The following ZFHX3 variants were observed in gnomAD, a reference collection of about 807,000 sequenced individuals.
ZFHX3 encodes the protein zinc finger homeobox protein 3.
ZFHX3 carries 42 observed loss-of-function variants against 279.1 expected under a neutral mutation model. The observed-to-expected ratio is 0.15, with a 90% CI of 0.12 to 0.19. The LOEUF is 0.19. ZFHX3 is among the 10% of genes least tolerant of loss of function. ZFHX3 has a pLI of 1.00. For synonymous variants in ZFHX3, 2,293 were observed against 1,957.8 expected (o/e 1.17, Z -4.52); for missense variants, 4,981 against 4,754.0 (o/e 1.05, Z -1.40).
At chr16:73,162,446 T>G (rs1382607041) in intron 5 of ZFHX3, among the ~76,000 whole-genome samples, 1 of 152,238 alleles carries the variant, frequency 6.6e-6, no homozygotes, top group African/African-American at 2.4e-5. Context: ...TGGTGAGTTG[T>G]AGAATTATTT....
chr16:73,604,742 G>GAA (rs35492989), intron 2 of ZFHX3, among the ~76,000 whole-genome samples: 33 of 138,602 alleles, frequency 2.4e-4, no homozygotes, highest in Non-Finnish European at 2.8e-4. Context: ...GAGACTCCGT[G>GAA]AAAAAAAAAA....
chr16:73,641,261 A>G (rs1432835223), intron 2 of ZFHX3, among the ~76,000 whole-genome samples: 1 of 152,196 alleles, frequency 6.6e-6, no homozygotes, highest in Non-Finnish European at 1.5e-5. Flanking sequence ...AAAGCAATAA[A>G]AAAAACTTCA....
chr16:73,505,287 G>A (rs916940865), intron 2 of ZFHX3, among the ~76,000 whole-genome samples: 6 of 152,140 alleles, frequency 3.9e-5, no homozygotes, highest in African/African-American at 1.2e-4. Context: ...CCTGATAGTG[G>A]AGATAAACAA....
chr16:72,784,937 C>G lies in ZFHX3; in HGVS notation c.*2227G>C, dbSNP rs898778119. On this transcript the variant is annotated 3_prime_UTR_variant, in exon 10 of 10. Coordinates refer to ENST00000268489, the MANE Select transcript of ZFHX3 (RefSeq NM_006885.4). ...TAAAAAAGAAAAAAAGAAAAAAAAT[C>G]CATTTTCAGATCTTGGAATGCTCCA... 6.6e-6 allele frequency: 1 copy of G among 152,386 alleles called. No homozygotes were observed. The highest frequency in any genetic ancestry group is 1.5e-5 in the Non-Finnish European group (1 of 68,006). The allele number at this position is 152,386 out of a possible 1,614,324, so 9.4% of individuals were successfully genotyped here.
intron 3 of ZFHX3, among the ~76,000 whole-genome samples, chr16:73,350,109 G>A (rs571253192): frequency 6.6e-6 from 1 of 152,006 alleles, no homozygotes; most frequent in Non-Finnish European, 1.5e-5. Context: ...AAAACAGTTT[G>A]AGGGAGGATG....
At chr16:73,771,138 G>C (rs1018489088) in intron 1 of ZFHX3, among the ~76,000 whole-genome samples, 3 of 152,174 alleles carry the variant, frequency 2.0e-5, no homozygotes. Flanking sequence ...GGAAAATGCA[G>C]GAGATGATCA....
intron 1 of ZFHX3, among the ~76,000 whole-genome samples, chr16:73,748,185 G>A (rs1377921286): frequency 6.6e-6 from 1 of 152,050 alleles, no homozygotes; most frequent in East Asian, 1.9e-4. Context: ...GAAAACATCA[G>A]AATATGCAAA....
chr16:73,841,172 C>A (rs2142369666), intron 1 of ZFHX3, among the ~76,000 whole-genome samples: 1 of 152,318 alleles, frequency 6.6e-6, no homozygotes, highest in Middle Eastern at 3.4e-3. Context: ...TCACCCCATA[C>A]CAGCCAGGGG....
intron 1 of ZFHX3, among the ~76,000 whole-genome samples, chr16:73,767,669 G>T (rs1597104765): frequency 6.6e-6 from 1 of 152,242 alleles, no homozygotes; most frequent in South Asian, 2.1e-4. Context: ...GATTCTTGTG[G>T]ATCTTCCTGT....
chr16:72,993,099 G>A (rs191779292), intron 1 of ZFHX3, among the ~76,000 whole-genome samples: 68 of 152,354 alleles, frequency 4.5e-4, no homozygotes, highest in African/African-American at 1.3e-3. Flanking sequence ...TCGCACCACT[G>A]CACCCCAGCC....
chr16:73,542,075 C>G lies in ZFHX3; in HGVS notation c.-1546-85817G>C, dbSNP rs201064138. ...TCGGCCTCCCAAAATGCTTGGATTA[C>G]AGGCTCGAGCAACCGCGCCCGGCCC... is the stretch of plus-strand genomic sequence containing the variant. On this transcript the variant is annotated intron_variant, in intron 2 of 17. Coordinates refer to the ZFHX3 transcript ENST00000641206. Among the ~76,000 whole-genome samples the G allele has an allele frequency of 5.9e-5, 9 of 152,216 alleles. No homozygotes were observed. The East Asian group carries it at 1.5e-3, about 26-fold the overall frequency.
chr16:73,524,656 T>A (rs1280809208), intron 2 of ZFHX3, among the ~76,000 whole-genome samples: 4 of 152,302 alleles, frequency 2.6e-5, no homozygotes, highest in South Asian at 4.2e-4. Flanking sequence ...TTTGCTGTGG[T>A]AAAGAATTCA....
At chr16:73,157,465 T>TTAAAAAAAAAAA (rs1346539597) in intron 5 of ZFHX3, among the ~76,000 whole-genome samples, 53 of 76,512 alleles carry the variant, frequency 6.9e-4, no homozygotes, top group African/African-American at 1.0e-3. Context: ...GAATGTTTGG[T>TTAAAAAAAAAAA]AAAAAAAAAA....
At chr16:73,030,556 C>A (rs1347852658) in intron 1 of ZFHX3, among the ~76,000 whole-genome samples, 1 of 151,986 alleles carries the variant, frequency 6.6e-6, no homozygotes, top group South Asian at 2.1e-4. Flanking sequence ...AAAGTGTCTA[C>A]AGCTCTATTG....
At chr16:73,569,635 T>C (rs915656675) in intron 2 of ZFHX3, among the ~76,000 whole-genome samples, 1 of 152,202 alleles carries the variant, frequency 6.6e-6, no homozygotes, top group Non-Finnish European at 1.5e-5. Flanking sequence ...AATTTAACAG[T>C]CTCCTCTTGA....
chr16:73,019,490 G>A (rs1964225422), intron 1 of ZFHX3, among the ~76,000 whole-genome samples: 1 of 152,106 alleles, frequency 6.6e-6, no homozygotes, highest in East Asian at 1.9e-4. Flanking sequence ...GTGCCCACCG[G>A]AAACCCCTGC....
At chr16:73,823,031 G>A (rs1173790314) in intron 1 of ZFHX3, among the ~76,000 whole-genome samples, 1 of 152,208 alleles carries the variant, frequency 6.6e-6, no homozygotes, top group East Asian at 1.9e-4. Context: ...GCACGTGGAA[G>A]CCGAATCCCT....
intron 2 of ZFHX3, among the ~76,000 whole-genome samples, chr16:73,662,710 G>A (rs996766717): frequency 1.3e-5 from 2 of 152,134 alleles, no homozygotes; most frequent in Admixed American, 6.5e-5. Context: ...TGCTGAAAGC[G>A]AACAATTTCA....
At chr16:72,821,661 G>A (rs901539050) in intron 5 of ZFHX3, among the ~76,000 whole-genome samples, 1 of 152,156 alleles carries the variant, frequency 6.6e-6, no homozygotes, top group African/African-American at 2.4e-5. Context: ...GTCACAGTTG[G>A]TTCACATCCT....
Sources: allele counts gnomAD v4.1 joint callset (sites outside exome capture counted in the v4.1 genomes callset), GRCh38; gene constraint gnomAD v4.1.1; transcripts MANE v1.5; gene names NCBI Gene and HGNC (gene_info 2026-07-23, HGNC 2026-07-21).